Variants in RBFOX1 observed in about 807,000 individuals in gnomAD.
RBFOX1 encodes RNA binding protein fox-1 homolog 1.
Under a neutral mutation model 57.7 loss-of-function variants are expected in RBFOX1, and 8 were observed. The ratio of observed to expected loss-of-function variants is 0.14; its 90% CI spans 0.08 to 0.25. RBFOX1 has a LOEUF of 0.25. Ranked by LOEUF, RBFOX1 falls within the 10% of genes least tolerant of loss-of-function variation. The pLI is 1.00. For missense variants in RBFOX1, 611 were observed against 548.5 expected (o/e 1.11, Z -1.14); for synonymous variants, 326 against 222.4 (o/e 1.47, Z -4.15).
chr16:6,062,293 C>T (rs962123364), intron 1 of RBFOX1, among the ~76,000 whole-genome samples: 1 of 151,684 alleles, frequency 6.6e-6, no homozygotes, highest in Non-Finnish European at 1.5e-5. Flanking sequence ...CATCTTTAGC[C>T]CCCCTGCCCT....
At chr16:6,934,251 A>G (rs557325361) in intron 3 of RBFOX1, among the ~76,000 whole-genome samples, 1 of 152,210 alleles carries the variant, frequency 6.6e-6, no homozygotes, top group South Asian at 2.1e-4. Flanking sequence ...GTCACTGTGA[A>G]AGCAGCTCTT....
At chr16:7,251,296 C>G (rs1603448249) in intron 4 of RBFOX1, among the ~76,000 whole-genome samples, 1 of 152,140 alleles carries the variant, frequency 6.6e-6, no homozygotes, top group East Asian at 1.9e-4. Context: ...GCTTATTTCA[C>G]TCAACATGAC....
intron 4 of RBFOX1, among the ~76,000 whole-genome samples, chr16:7,102,907 G>A (rs1218155786): frequency 6.6e-6 from 1 of 152,044 alleles, no homozygotes; most frequent in Non-Finnish European, 1.5e-5. Flanking sequence ...AGTATATTGT[G>A]AGTATTGGAG....
chr16:7,068,408 T>C (rs2056613678), intron 4 of RBFOX1, among the ~76,000 whole-genome samples: 1 of 152,164 alleles, frequency 6.6e-6, no homozygotes, highest in African/African-American at 2.4e-5. Flanking sequence ...AGAACTACCA[T>C]CCAAGGTAGC....
At chr16:7,119,773 G>A (rs1029315998) in intron 4 of RBFOX1, among the ~76,000 whole-genome samples, 2 of 152,178 alleles carry the variant, frequency 1.3e-5, no homozygotes, top group Middle Eastern at 3.4e-3. Flanking sequence ...AGTGAAGTCT[G>A]TCTCACTATT....
At chr16:5,820,121 C>T (rs765712915) in intron 3 of RBFOX1, among the ~76,000 whole-genome samples, 1 of 152,200 alleles carries the variant, frequency 6.6e-6, no homozygotes, top group Non-Finnish European at 1.5e-5. Flanking sequence ...ATTTCTACCA[C>T]CTCTAGGAAG....
At chr16:6,230,302 C>G (rs548780221) in intron 1 of RBFOX1, among the ~76,000 whole-genome samples, 29 of 152,000 alleles carry the variant, frequency 1.9e-4, no homozygotes, top group East Asian at 1.4e-3. Flanking sequence ...TGTGTATTAA[C>G]TCAGTTAATA....
At chr16:7,460,180 C>T (rs1256089457) in intron 4 of RBFOX1, among the ~76,000 whole-genome samples, 1 of 151,594 alleles carries the variant, frequency 6.6e-6, no homozygotes, top group African/African-American at 2.4e-5. Flanking sequence ...TGTCATTCCT[C>T]CTGTTTCTAT....
At chr16:6,678,274 A>T (rs1463357725) in intron 3 of RBFOX1, among the ~76,000 whole-genome samples, 1 of 152,044 alleles carries the variant, frequency 6.6e-6, no homozygotes, top group Non-Finnish European at 1.5e-5. Context: ...GCAGGCGTGT[A>T]CCACCACACA....
At chr16:7,363,393 C>T (rs1025665910) in intron 4 of RBFOX1, among the ~76,000 whole-genome samples, 2 of 152,160 alleles carry the variant, frequency 1.3e-5, no homozygotes, top group East Asian at 1.9e-4. Flanking sequence ...ATTGCATTAC[C>T]TTGCCATGAG....
chr16:6,789,359 C>T (rs2082516436), intron 3 of RBFOX1, among the ~76,000 whole-genome samples: 1 of 152,022 alleles, frequency 6.6e-6, no homozygotes, highest in African/African-American at 2.4e-5. Context: ...AGATGTATTC[C>T]AGAATGTTAC....
At chr16:6,888,796 A>C (rs180873071) in intron 3 of RBFOX1, among the ~76,000 whole-genome samples, 1 of 152,122 alleles carries the variant, frequency 6.6e-6, no homozygotes. Context: ...ATTTCACCCT[A>C]TTGTGTTACC....
At chr16:6,761,056 G>T (rs1406479034) in intron 3 of RBFOX1, among the ~76,000 whole-genome samples, 7 of 152,080 alleles carry the variant, frequency 4.6e-5, no homozygotes. Flanking sequence ...TCACATTTTT[G>T]AATTAAATTA....
chr16:7,582,033 C>T (rs1390973659), intron 6 of RBFOX1, among the ~76,000 whole-genome samples: 4 of 151,360 alleles, frequency 2.6e-5, no homozygotes, highest in Non-Finnish European at 4.4e-5. Context: ...AGCACCCCCC[C>T]CCCCCCTTTT....
intron 2 of RBFOX1, among the ~76,000 whole-genome samples, chr16:5,517,866 A>G (rs1321402178): frequency 6.7e-6 from 1 of 150,116 alleles, no homozygotes; most frequent in Non-Finnish European, 1.5e-5. Flanking sequence ...ACACACACGT[A>G]CATATACTGG....
intron 14 of RBFOX1, among the ~76,000 whole-genome samples, chr16:7,694,885 C>G (rs1315760586): frequency 6.6e-6 from 1 of 152,168 alleles, no homozygotes; most frequent in Non-Finnish European, 1.5e-5. Context: ...TGCACTAGAG[C>G]TTCTGCCTTC....
At chr16:6,642,676 G>T (rs1263863887) in intron 2 of RBFOX1, among the ~76,000 whole-genome samples, 3 of 144,986 alleles carry the variant, frequency 2.1e-5, no homozygotes, top group African/African-American at 5.0e-5. Context: ...CTCAAAGAAA[G>T]AAGTCAAGAT....
intron 3 of RBFOX1, among the ~76,000 whole-genome samples, chr16:6,822,779 C>T (rs894991084): frequency 6.6e-6 from 1 of 152,166 alleles, no homozygotes; most frequent in Non-Finnish European, 1.5e-5. Context: ...ATGGGACAAG[C>T]GCGAGTATGG....
intron 4 of RBFOX1, among the ~76,000 whole-genome samples, chr16:7,382,268 A>G (rs1054711907): frequency 6.6e-6 from 1 of 152,220 alleles, no homozygotes; most frequent in South Asian, 2.1e-4. Flanking sequence ...AAATATTTTA[A>G]CAGTTGAGAT....
Sources: allele counts gnomAD v4.1 joint callset (sites outside exome capture counted in the v4.1 genomes callset), GRCh38; gene constraint gnomAD v4.1.1; transcripts MANE v1.5; gene names NCBI Gene and HGNC (gene_info 2026-07-23, HGNC 2026-07-21).